Variants in NTHL1 observed in about 807,000 individuals in gnomAD.
The protein encoded by NTHL1 is nth like DNA glycosylase 1, also known as endonuclease III-like protein 1.
NTHL1 carries 32 observed loss-of-function variants against 32.3 expected under a neutral mutation model. The observed-to-expected ratio is 0.99, with a 90% CI of 0.75 to 1.33. The LOEUF (loss-of-function observed/expected upper bound fraction) is 1.33, where lower values mean the gene tolerates loss of function less well. Among genes scored for constraint, NTHL1 ranks in the 40% most tolerant of loss-of-function variants. The pLI is 0.00. For synonymous variants in NTHL1, 188 were observed against 176.9 expected (o/e 1.06, Z -0.50); for missense variants, 501 against 414.1 (o/e 1.21, Z -1.82).
chr16:2,040,537 G>C (rs995858458), intron 4 of NTHL1: 5 of 511,480 alleles, frequency 9.8e-6, no homozygotes, highest in Non-Finnish European at 1.4e-5. Context: ...TGGGTGGTGG[G>C]GTCTCTGCTT....
chr16:2,046,074 A>G, intron 2 of NTHL1, 54 bp downstream of exon 2: 1 of 1,493,278 alleles, frequency 6.7e-7, no homozygotes, highest in Non-Finnish European at 9.3e-7. Flanking sequence ...TAGAAAGAAA[A>G]CAAGGACCTT....
chr16:2,045,679 C>T (rs1032590671), intron 2 of NTHL1, among the ~76,000 whole-genome samples: 2 of 152,142 alleles, frequency 1.3e-5, no homozygotes, highest in Admixed American at 1.3e-4. Context: ...TCAGGTGATC[C>T]ACCCGCCTTG....
rs148201497 is a variant in NTHL1 at position 2,046,699 on chromosome 16, C to G, written c.116-333G>C. 2.1e-3 allele frequency among the ~76,000 whole-genome samples: 313 copies of G among 152,226 alleles called. 1 individual carries two copies. Among genetic ancestry groups the G allele is most frequent in the African/African-American group, 7.1e-3 (296 of 41,522 alleles). On this transcript the variant is annotated intron_variant, in intron 1 of 5. Coordinates refer to ENST00000651570, the MANE Select transcript of NTHL1 (RefSeq NM_002528.7). ...TTAAAAAATCCTGGCCGGCCGGGCG[C>G]GGTGGATCAAGCCTGTAATCCCAGC...
Position 2,046,355 on chromosome 16 carries a change from T to C in NTHL1, c.127A>G (p.Ser43Gly), listed in dbSNP as rs1209679396. The C allele has an allele frequency of 6.2e-7, 1 of 1,604,786 alleles. No homozygotes were observed. Among genetic ancestry groups the C allele is most frequent in the South Asian group, 1.1e-5 (1 of 90,968 alleles). The change falls in exon 2 of 6, where the codon AGC becomes GGC. Residue 43 changes from serine to glycine, a missense_variant. Ser to Gly is a moderately conservative substitution (Grantham distance 56). Transcript: ENST00000651570. ...RREAAAEARK[S>G]HSPVKRPRKA... ...CGCGGACGCTTCACGGGGCTGTGGC[T>C]TTTCCTCGCTTCTGCAAAAAGCACC...
At position 2,046,338 on chromosome 16, in the gene NTHL1, C is replaced by A; in HGVS notation, c.144G>T (p.Lys48Asn). ...GCAGTCTCTGTGCTTTCCGCGGACG[C>A]TTCACGGGGCTGTGGCTTTTCCTCG... ...AEARKSHSPVKRPRKAQRLRV... is the reference protein window; with the variant it reads ...AEARKSHSPVNRPRKAQRLRV... The change falls in exon 2 of 6, where the codon AAG becomes AAT. Residue 48 changes from lysine (K) to asparagine (N), a missense_variant. Lys to Asn is a moderately conservative substitution (Grantham distance 94, BLOSUM62 0). Transcript: ENST00000651570. 1 of 1,608,612 alleles carries A rather than the reference C, an allele frequency of 6.2e-7. No homozygotes were observed. Among genetic ancestry groups the A allele is most frequent in the Non-Finnish European group, 8.5e-7 (1 of 1,176,470 alleles).
At chr16:2,042,078 T>C in intron 4 of NTHL1, 1 of 455,998 alleles carries the variant, frequency 2.2e-6, no homozygotes, top group Non-Finnish European at 4.4e-6. Context: ...ACTGAGAGCG[T>C]TTCTCTTTCG....
chr16:2,044,876 T>G lies in NTHL1; in HGVS notation c.355-76A>C, dbSNP rs1488876901. On this transcript the variant is annotated intron_variant, in intron 2 of 5. Transcript: ENST00000651570. The surrounding 1 kb of genome is among the most constrained non-coding windows in gnomAD (Gnocchi z 5.0). ...CCTGGCCAGGCTCCGCCCCCCGCCC[T>G]CGACACACCCTGGTTTGTTGCCCTG... 39 of 1,468,574 alleles carry G rather than the reference T, an allele frequency of 2.7e-5. No homozygotes were observed. Among genetic ancestry groups the G allele is most frequent in the Non-Finnish European group, 3.6e-5 (39 of 1,096,130 alleles). The allele number at this position is 1,468,574 out of a possible 1,614,324, so 91.0% of individuals were successfully genotyped here. A position where few individuals can be genotyped will look rare whatever the true frequency, so the allele number is the denominator to read the frequency against.
chr16:2,044,785 C>G lies in NTHL1; in HGVS notation c.370G>C (p.Val124Leu), dbSNP rs1271178921. The change falls in exon 3 of 6, where the codon GTG (valine) becomes CTG (leucine). Residue 124 changes from valine to leucine, a missense_variant. Coordinates refer to ENST00000651570, the MANE Select transcript of NTHL1 (RefSeq NM_002528.7). This position sits in a 1 kb window ranked among gnomAD's most constrained non-coding sequence, Gnocchi z 5.0. ...CTGGAGAGCATCAGTGACAGCAGCA[C>G]CTGGTACCTGCGTACCTGCTTGTGC... ...SAPPKVRRYQ[V>L]LLSLMLSSQT... The G allele has an allele frequency of 1.2e-6, 2 of 1,608,292 alleles. No individual in the cohort carries two copies. The highest frequency in any genetic ancestry group is 2.2e-5 in the East Asian group (1 of 44,676).
chr16:2,044,494 G>T lies in NTHL1; in HGVS notation c.525+136C>A, dbSNP rs987935052. On this transcript the variant is annotated intron_variant, in intron 3 of 5. Transcript: ENST00000651570. This position sits in a 1 kb window ranked among gnomAD's most constrained non-coding sequence, Gnocchi z 5.0. ...TCAGGCCTCAGGGCCCCACGGCCTG[G>T]GGGGGGCTTCAGGGGGACCCCCCGA... is the stretch of plus-strand genomic sequence containing the variant. The T allele has an allele frequency of 8.9e-6, 10 of 1,129,788 alleles. No homozygotes were observed. Among genetic ancestry groups the T allele is most frequent in the African/African-American group, 3.0e-5 (2 of 65,668 alleles). The allele number at this position is 1,129,788 out of a possible 1,614,324, so 70.0% of individuals were successfully genotyped here.
intron 4 of NTHL1, 52 bp from the exon 5 acceptor site, chr16:2,040,290 C>T (rs562909852): frequency 1.7e-4 from 262 of 1,544,854 alleles, no homozygotes; most frequent in Admixed American, 1.0e-3. Flanking sequence ...CAGCCTAGCC[C>T]GTGCCCCTCC....
At chr16:2,047,562 A>G (rs1034448842) in intron 1 of NTHL1, 147 bp downstream of exon 1, 41 of 1,303,482 alleles carry the variant, frequency 3.1e-5, no homozygotes, top group Non-Finnish European at 4.1e-5. Flanking sequence ...CAAGGTGGGA[A>G]CGCAGGGCCG....
chr16:2,041,288 C>T (rs1195403666), intron 4 of NTHL1, among the ~76,000 whole-genome samples: 5 of 152,354 alleles, frequency 3.3e-5, no homozygotes, highest in East Asian at 1.9e-4. Flanking sequence ...GGCCACGTCA[C>T]GTTGTGTGAG....
intron 4 of NTHL1, chr16:2,040,577 T>C: frequency 2.2e-6 from 1 of 445,406 alleles, no homozygotes; most frequent in South Asian, 2.1e-5. Flanking sequence ...ATGACTCGGC[T>C]CTGCTTGGAG....
At position 2,040,400 on chromosome 16, in the gene NTHL1, C is replaced by T. The variant is rs568840577; in HGVS notation, c.686-162G>A. 2.9e-4 allele frequency: 205 copies of T among 713,278 alleles called. 1 individual carries two copies. The African/African-American group carries it at 2.9e-3, about 10-fold the overall frequency. 44.2% of individuals were successfully genotyped at this position (713,278 alleles called of 1,614,324 possible). ...AGCCTACATGTGACCATCTTGGCTG[C>T]CCCTGAGGTGCTGGGGCAGGGGCTG... On this transcript the variant is annotated intron_variant, in intron 4 of 5. Transcript: ENST00000651570.
In NTHL1 at chr16:2,040,252, A is replaced by T; in HGVS notation, c.686-14T>A. Reference sequence around the variant, plus strand: ...GCGTGTCCACTGCTGCTGGGAGGCCAAGCGGGGTGAACAGGGGCACACTCC... The same window carrying T: ...GCGTGTCCACTGCTGCTGGGAGGCCTAGCGGGGTGAACAGGGGCACACTCC... On this transcript the variant is annotated splice_polypyrimidine_tract_variant and intron_variant, in intron 4 of 5. Coordinates refer to ENST00000651570, the MANE Select transcript of NTHL1 (RefSeq NM_002528.7). The T allele has an allele frequency of 6.2e-7, 1 of 1,611,072 alleles. No individual in the cohort carries two copies. The highest frequency in any genetic ancestry group is 8.5e-7 in the Non-Finnish European group (1 of 1,178,662).
In NTHL1 at chr16:2,046,233, G is replaced by A. The variant is rs2084372612; in HGVS notation, c.249C>T (p.Asp83=). Residue 83 remains aspartate, a synonymous_variant, in exon 2 of 6, where the codon GAC becomes GAT. Transcript: ENST00000651570. ...GGATGTTGACCAGCTGTTGCTGCCA[G>A]TCCTGGGGCTCCCAGACTGGCACCT... ...PLKVPVWEPQ[D]WQQQLVNIRA... is the part of the protein sequence containing the mutation. 1 of 1,613,284 alleles carries A rather than the reference G, an allele frequency of 6.2e-7. No individual in the cohort carries two copies. Among genetic ancestry groups the A allele is most frequent in the Admixed American group, 1.7e-5 (1 of 60,026 alleles).
At chr16:2,042,026 T>C (rs2084274043) in intron 4 of NTHL1, 1 of 455,842 alleles carries the variant, frequency 2.2e-6, no homozygotes, top group African/African-American at 2.0e-5. Flanking sequence ...GTGCTGGGAT[T>C]ACAGGCTTGA....
chr16:2,045,358 C>T (rs1162524138), intron 2 of NTHL1, among the ~76,000 whole-genome samples: 2 of 152,070 alleles, frequency 1.3e-5, no homozygotes, highest in Non-Finnish European at 1.5e-5. Context: ...CCAACACGAT[C>T]GTATCTGGCC....
intron 1 of NTHL1, 91 bp from the exon 2 acceptor site, chr16:2,046,457 G>A (rs2084397430): frequency 9.4e-6 from 11 of 1,175,512 alleles, no homozygotes; most frequent in Non-Finnish European, 1.3e-5. Context: ...CCCCTCACTC[G>A]TTCATGCCAC....
Sources: allele counts gnomAD v4.1 joint callset (sites outside exome capture counted in the v4.1 genomes callset), GRCh38; gene constraint gnomAD v4.1.1; non-coding constraint Gnocchi (gnomAD v3.1); transcripts MANE v1.5; gene names NCBI Gene and HGNC (gene_info 2026-07-23, HGNC 2026-07-21).